The following EPHX2 variants were observed in gnomAD, a reference collection of about 807,000 sequenced individuals.
The protein encoded by EPHX2 is bifunctional epoxide hydrolase 2.
In EPHX2, 74 loss-of-function variants were observed where a neutral mutation model predicts 78.7. The ratio of observed to expected loss-of-function variants is 0.94; its 90% confidence interval spans 0.78 to 1.14. EPHX2 has a LOEUF of 1.14. EPHX2 is among the 50% of genes most tolerant of loss of function. The pLI, the probability that EPHX2 is intolerant of heterozygous loss-of-function variation, is 0.00. For missense variants in EPHX2, 715 were observed against 702.5 expected, an observed-to-expected ratio of 1.02 and a Z score of -0.20; for synonymous variants, 251 against 255.2, an observed-to-expected ratio of 0.98 and a Z score of 0.16.
At chr8:27,534,162 G>A (rs988902479) in intron 12 of EPHX2, among the ~76,000 whole-genome samples, 12 of 152,126 alleles carry the variant, frequency 7.9e-5, no homozygotes, top group South Asian at 4.1e-4. Flanking sequence ...ATCATGTTGC[G>A]GAAGGCCGCC....
intron 12 of EPHX2, 56 bp downstream of exon 12, chr8:27,525,529 C>T: frequency 7.2e-7 from 1 of 1,388,834 alleles, no homozygotes; most frequent in South Asian, 1.2e-5. Context: ...TTTCCCCTTC[C>T]TGTCTCCTTC....
intron 6 of EPHX2, among the ~76,000 whole-genome samples, chr8:27,512,251 A>G (rs1814280102): frequency 6.6e-6 from 1 of 152,262 alleles, no homozygotes; most frequent in Non-Finnish European, 1.5e-5. Flanking sequence ...TCTATAAAGC[A>G]GTGTGACTGA....
chr8:27,538,639 CTT>C lies in EPHX2; in HGVS notation c.1243-17_1243-16del, dbSNP rs751426826. The C allele has an allele frequency of 6.2e-7, 1 of 1,605,670 alleles. No homozygotes were observed. Among genetic ancestry groups the C allele is most frequent in the Non-Finnish European group, 8.5e-7 (1 of 1,174,168 alleles). ...ATCACCCATGACATCATTTGTAACT[CTT>C]TTCTTTTCTTCCTTCAGAGTGTTTT... On this transcript the variant is annotated intron_variant, in intron 13 of 18. Coordinates refer to ENST00000521400, the MANE Select transcript of EPHX2 (RefSeq NM_001979.6).
intron 12 of EPHX2, among the ~76,000 whole-genome samples, chr8:27,528,727 C>T (rs1259643559): frequency 6.6e-6 from 1 of 152,140 alleles, no homozygotes; most frequent in African/African-American, 2.4e-5. Context: ...TGAGGCTGTT[C>T]CAGACCCATG....
intron 2 of EPHX2, among the ~76,000 whole-genome samples, chr8:27,501,381 CTT>C (rs879495928): frequency 0.02 from 2,314 of 113,222 alleles, 65 homozygotes; most frequent in African/African-American, 0.034. Context: ...TCTTCTTCTT[CTT>C]CTTCTTCTTC....
intron 1 of EPHX2, among the ~76,000 whole-genome samples, 196 bp from the exon 2 acceptor site, chr8:27,500,730 A>G (rs1813732476): frequency 6.6e-6 from 1 of 152,158 alleles, no homozygotes; most frequent in African/African-American, 2.4e-5. Flanking sequence ...ACTGTGATTT[A>G]CTGTATGGTC....
chr8:27,491,242 G>A lies in EPHX2; in HGVS notation c.34G>A (p.Gly12Arg), dbSNP rs1346253696. Residue 12 changes from glycine (G) to arginine (R), a missense_variant, in exon 1 of 19, where the codon GGG (glycine) becomes AGG (arginine). By Grantham distance (125) the Gly-to-Arg change is moderately radical. Transcript: ENST00000521400. ...TLRAAVFDLD[G>R]VLALPAVFGV... Reference sequence around the variant, plus strand: ...GCGCGCGGCCGTCTTCGACCTTGACGGGGTGCTGGCGCTGCCAGCGGTGTT... The same window carrying A: ...GCGCGCGGCCGTCTTCGACCTTGACAGGGTGCTGGCGCTGCCAGCGGTGTT... The A allele has an allele frequency of 1.3e-6, 2 of 1,585,606 alleles. No homozygotes were observed. The highest frequency in any genetic ancestry group is 2.3e-5 in the East Asian group (1 of 43,360).
intron 1 of EPHX2, among the ~76,000 whole-genome samples, chr8:27,494,569 T>C (rs1308604640): frequency 6.6e-6 from 1 of 152,220 alleles, no homozygotes; most frequent in Non-Finnish European, 1.5e-5. Flanking sequence ...GAAATCCCCT[T>C]GACTTAGGCA....
chr8:27,498,679 A>T (rs1044132169), intron 1 of EPHX2, among the ~76,000 whole-genome samples: 6 of 152,154 alleles, frequency 3.9e-5, no homozygotes, highest in African/African-American at 1.4e-4. Context: ...AATGCCTCAC[A>T]TACCTAAGAT....
At chr8:27,529,920 C>T (rs1225546066) in intron 12 of EPHX2, among the ~76,000 whole-genome samples, 1 of 151,432 alleles carries the variant, frequency 6.6e-6, no homozygotes, top group East Asian at 1.9e-4. Flanking sequence ...GAAAAAAGAG[C>T]CCTTTTATTT....
At chr8:27,497,844 C>T (rs991150785) in intron 1 of EPHX2, among the ~76,000 whole-genome samples, 3 of 152,168 alleles carry the variant, frequency 2.0e-5, no homozygotes, top group Admixed American at 6.5e-5. Flanking sequence ...CGGATGTTTG[C>T]GACTCCAGTC....
rs535488970 is a variant in EPHX2 at position 27,541,693 on chromosome 8, C to T, written c.1449+151C>T. The T allele has an allele frequency of 1.3e-4, 99 of 763,674 alleles. No homozygotes were observed. In the African/African-American group the frequency reaches 1.5e-3, roughly 12 times the overall value. 47.3% of individuals were successfully genotyped at this position (763,674 alleles called of 1,614,324 possible). A position where few individuals can be genotyped will look rare whatever the true frequency, so the allele number is the denominator to read the frequency against. ...TCCCTTTGGGGTTTGGGAAGTGACT[C>T]CCTTCAGGGGTTTCCCTAGGATCTT... On this transcript the variant is annotated intron_variant, in intron 16 of 18. Transcript: ENST00000521400.
Position 27,515,715 on chromosome 8 carries a change from C to A in EPHX2, c.736-3C>A, listed in dbSNP as rs372868086. 1 of 1,613,626 alleles carries A rather than the reference C, an allele frequency of 6.2e-7. No individual in the cohort carries two copies. Among genetic ancestry groups the A allele is most frequent in the South Asian group, 1.1e-5 (1 of 91,050 alleles). ...GCTGCCCTCTCCTCTTTCCCTTCCA[C>A]AGCCCAGGGTCCGTCTGCATTTTGT... is the stretch of plus-strand genomic sequence containing the variant. On this transcript the variant is annotated splice_region_variant and splice_polypyrimidine_tract_variant and intron_variant, in intron 6 of 18. Transcript: ENST00000521400.
chr8:27,530,803 C>T (rs7839791), intron 12 of EPHX2, among the ~76,000 whole-genome samples: 1 of 131,400 alleles, frequency 7.6e-6, no homozygotes, highest in Non-Finnish European at 1.6e-5. Context: ...CGCTCTTGTT[C>T]CCCAGGCTGG....
chr8:27,501,330 C>CTTCTTCTTCT (rs1427470636), intron 2 of EPHX2, among the ~76,000 whole-genome samples: 50 of 54,054 alleles, frequency 9.3e-4, no homozygotes, highest in African/African-American at 4.4e-3. Context: ...ATATTTTCTT[C>CTTCTTCTTCT]TTCTTCTTCT....
intron 1 of EPHX2, among the ~76,000 whole-genome samples, chr8:27,494,514 G>A (rs1003794396): frequency 6.6e-6 from 1 of 152,190 alleles, no homozygotes; most frequent in African/African-American, 2.4e-5. Context: ...GCAGGACAAG[G>A]CTTCATCCAA....
intron 11 of EPHX2, among the ~76,000 whole-genome samples, chr8:27,525,103 T>C (rs111298533): frequency 0.089 from 11,595 of 130,130 alleles, 507 homozygotes; most frequent in African/African-American, 0.11. Context: ...TGTGTGTGTG[T>C]GTGTGCGCGC....
In EPHX2 at chr8:27,520,751, G is replaced by T. The variant is rs1585205877; in HGVS notation, c.946-132G>T. ...CTTAAAGGCTGTATCTTCAAAAACAGTCCCATTCTGAGGCCCTGGGGGTTA... is the reference window on the plus strand; with the variant it reads ...CTTAAAGGCTGTATCTTCAAAAACATTCCCATTCTGAGGCCCTGGGGGTTA... On this transcript the variant is annotated intron_variant, in intron 9 of 18. Transcript: ENST00000521400. 2.7e-5 allele frequency: 28 copies of T among 1,033,752 alleles called. No homozygotes were observed. The East Asian group carries it at 6.4e-4, about 24-fold the overall frequency. The allele number at this position is 1,033,752 out of a possible 1,614,324, so 64.0% of individuals were successfully genotyped here.
At chr8:27,532,605 G>A (rs1045039189) in intron 12 of EPHX2, among the ~76,000 whole-genome samples, 2 of 152,110 alleles carry the variant, frequency 1.3e-5, no homozygotes, top group Non-Finnish European at 2.9e-5. Flanking sequence ...CTGTCTCCCA[G>A]CCCCTGGCCG....
Sources: allele counts gnomAD v4.1 joint callset (sites outside exome capture counted in the v4.1 genomes callset), GRCh38; gene constraint gnomAD v4.1.1; transcripts MANE v1.5; gene names NCBI Gene and HGNC (gene_info 2026-07-23, HGNC 2026-07-21).